Variants in A4GALT observed in about 807,000 individuals in gnomAD.
The protein encoded by A4GALT is alpha 1,4-galactosyltransferase (P1PK blood group).
For missense variants in A4GALT, 512 were observed against 486.0 expected, an observed-to-expected ratio of 1.05 and a Z score of -0.50; for synonymous variants, 257 against 220.7, an observed-to-expected ratio of 1.16 and a Z score of -1.46.
At chr22:42,701,575 T>A (rs1004134655) in intron 1 of A4GALT, among the ~76,000 whole-genome samples, 1 of 152,148 alleles carries the variant, frequency 6.6e-6, no homozygotes, top group Non-Finnish European at 1.5e-5. Context: ...AGAGGGGTCA[T>A]CTAGGTTTAC....
intron 2 of A4GALT, among the ~76,000 whole-genome samples, chr22:42,694,225 C>T (rs28915380): frequency 0.03 from 4,624 of 152,342 alleles, 95 homozygotes; most frequent in Middle Eastern, 0.048. Flanking sequence ...CCACTCTCTG[C>T]GACACACCTG....
chr22:42,704,766 T>C (rs2146998746), intron 1 of A4GALT, among the ~76,000 whole-genome samples: 1 of 149,188 alleles, frequency 6.7e-6, no homozygotes, highest in South Asian at 2.1e-4. Context: ...CAAAGCAACA[T>C]GGGTAAAGAC....
chr22:42,705,286 T>C (rs1376496997), intron 1 of A4GALT, among the ~76,000 whole-genome samples: 3 of 152,116 alleles, frequency 2.0e-5, no homozygotes, highest in Non-Finnish European at 2.9e-5. Flanking sequence ...CTCGCTTATA[T>C]ATAAAGAAAA....
rs563123240 is a variant in A4GALT, at chr22:42,692,831, G to A, written c.*59C>T. 2.1e-5 allele frequency: 34 copies of A among 1,589,918 alleles called. 1 individual carries two copies. In the East Asian group the frequency reaches 5.4e-4, roughly 25 times the overall value. Reference sequence around the variant, plus strand: ...CCCGGGCCCTCAATCTTGCCTCCCCGGGAAGGGCGGCCCAGTGCCCCATCA... The same window carrying A: ...CCCGGGCCCTCAATCTTGCCTCCCCAGGAAGGGCGGCCCAGTGCCCCATCA... On this transcript the variant is annotated 3_prime_UTR_variant, in exon 3 of 3. Transcript: ENST00000642412. This position sits in a 1 kb window ranked among gnomAD's most constrained non-coding sequence, Gnocchi z 4.6.
At chr22:42,714,650 C>T (rs1922006680) in intron 1 of A4GALT, among the ~76,000 whole-genome samples, 2 of 152,052 alleles carry the variant, frequency 1.3e-5, no homozygotes, top group South Asian at 4.2e-4. Flanking sequence ...GTGGCTGGCA[C>T]CTGTAATCCT....
In A4GALT at chr22:42,719,907, G is replaced by T. The variant is rs143188011; in HGVS notation, c.-188+890C>A. 2.7e-4 allele frequency among the ~76,000 whole-genome samples: 41 copies of T among 152,326 alleles called. No individual in the cohort carries two copies. In the East Asian group the frequency reaches 5.6e-3, roughly 21 times the overall value. ...AAGCCGCAGAGAGGGTGTCGTGAGG[G>T]AAAGGTGGGTGCAGGGGAAATGGCG... On this transcript the variant is annotated intron_variant, in intron 1 of 2. Transcript: ENST00000642412.
At chr22:42,704,061 C>A (rs1380463225) in intron 1 of A4GALT, among the ~76,000 whole-genome samples, 1 of 152,176 alleles carries the variant, frequency 6.6e-6, no homozygotes, top group African/African-American at 2.4e-5. Flanking sequence ...CTTCCAAACC[C>A]TGCTTGGAGG....
chr22:42,694,824 T>C (rs528748048), intron 2 of A4GALT: 6 of 152,280 alleles, frequency 3.9e-5, no homozygotes, highest in Non-Finnish European at 5.9e-5. Context: ...GTAACATTCA[T>C]TCATTCATAG....
chr22:42,700,072 A>T (rs373019928), intron 1 of A4GALT, among the ~76,000 whole-genome samples: 2 of 152,182 alleles, frequency 1.3e-5, no homozygotes, highest in African/African-American at 4.8e-5. Context: ...GTCACTGGGG[A>T]TGGGCTGCTC....
At chr22:42,710,275 A>T (rs1921562047) in intron 1 of A4GALT, among the ~76,000 whole-genome samples, 1 of 152,222 alleles carries the variant, frequency 6.6e-6, no homozygotes, top group Non-Finnish European at 1.5e-5. Flanking sequence ...GTAAAAACTA[A>T]AGATGGTAGT....
chr22:42,720,974 AG>A (rs1292075229), upstream of A4GALT: 1 of 149,118 alleles, frequency 6.7e-6, no homozygotes, highest in East Asian at 2.0e-4. Flanking sequence ...CGGTCCCCAG[AG>A]CCCTTGCGGG....
Position 42,693,467 on chromosome 22 carries a change from A to G in A4GALT, c.485T>C (p.Val162Ala). 1.2e-6 allele frequency: 2 copies of G among 1,613,130 alleles called. No homozygotes were observed. The highest frequency in any genetic ancestry group is 8.5e-7 in the Non-Finnish European group (1 of 1,179,956). The part of the protein sequence containing the change: ...DTPLADWYAA[V>A]QGRWEPYLLP... The stretch of plus-strand genomic sequence containing the variant: ...CAGGTAGGGCTCCCAGCGCCCCTGC[A>G]CGGCCGCGTACCAGTCGGCCAGGGG... Residue 162 changes from valine to alanine, a missense_variant, in exon 3 of 3, where the codon GTG becomes GCG. Transcript: ENST00000642412.
At chr22:42,706,443 C>CG (rs1421922738) in intron 1 of A4GALT, among the ~76,000 whole-genome samples, 5 of 151,074 alleles carry the variant, frequency 3.3e-5, no homozygotes, top group Non-Finnish European at 7.4e-5. Flanking sequence ...AACCTGTAAC[C>CG]TATCTCTATT....
rs1930537149 is a variant in A4GALT at position 42,692,776 on chromosome 22, TA to T, written c.*113del. On this transcript the variant is annotated 3_prime_UTR_variant, in exon 3 of 3. Coordinates refer to ENST00000642412, the MANE Select transcript of A4GALT (RefSeq NM_017436.7). The surrounding 1 kb of genome is among the most constrained non-coding windows in gnomAD (Gnocchi z 4.6). ...TCCCACAGCTCCTCAACAGCCTGCC[TA>T]AGCCCGGTGGCAGCTCGGGCCTCCC... is the stretch of plus-strand genomic sequence containing the variant. The T allele has an allele frequency of 1.2e-5, 15 of 1,290,502 alleles. No homozygotes were observed. In the African/African-American group the frequency reaches 2.2e-4, roughly 19 times the overall value. 79.9% of individuals were successfully genotyped at this position (1,290,502 alleles called of 1,614,324 possible).
At chr22:42,700,676 G>A (rs1346986480) in intron 1 of A4GALT, among the ~76,000 whole-genome samples, 2 of 152,178 alleles carry the variant, frequency 1.3e-5, no homozygotes, top group Admixed American at 1.3e-4. Context: ...CCAGCCATGT[G>A]ACTGCAGTCA....
chr22:42,704,395 G>A (rs1602006215), intron 1 of A4GALT, among the ~76,000 whole-genome samples: 1 of 152,034 alleles, frequency 6.6e-6, no homozygotes, highest in Non-Finnish European at 1.5e-5. Flanking sequence ...GCTGAGGCAG[G>A]AGAATTGCTT....
Position 42,692,717 on chromosome 22 carries a change from C to T in A4GALT, c.*173G>A, listed in dbSNP as rs745791913. ...GCCCTGCCTCGAGACAGGACACTGT[C>T]CTCGGGGTGTCCACAGCCTCCCACT... On this transcript the variant is annotated 3_prime_UTR_variant, in exon 3 of 3. Transcript: ENST00000642412. The surrounding 1 kb of genome is among the most constrained non-coding windows in gnomAD (Gnocchi z 4.6). 2 of 785,358 alleles carry T rather than the reference C, an allele frequency of 2.5e-6. No homozygotes were observed. Among genetic ancestry groups the T allele is most frequent in the African/African-American group, 1.7e-5 (1 of 58,936 alleles). The allele number at this position is 785,358 out of a possible 1,614,324, so 48.6% of individuals were successfully genotyped here.
chr22:42,703,828 G>A (rs950993965), intron 1 of A4GALT, among the ~76,000 whole-genome samples: 12 of 152,304 alleles, frequency 7.9e-5, no homozygotes, highest in Middle Eastern at 3.4e-3. Context: ...AACTCTGAGG[G>A]ATCTGGGGCA....
At position 42,720,781 on chromosome 22, in the gene A4GALT, G is replaced by C. The variant is rs1922658334; in HGVS notation, c.-188+16C>G. ...GGAGCCCCCGTCCCCCGCAACATCG[G>C]CGCGGCCCCTCGTACCTCTAGCTCC... is the stretch of plus-strand genomic sequence containing the variant. On this transcript the variant is annotated intron_variant, in intron 1 of 2. Coordinates refer to ENST00000642412, the MANE Select transcript of A4GALT (RefSeq NM_017436.7). 6.6e-6 allele frequency: 1 copy of C among 152,406 alleles called. No homozygotes were observed. Among genetic ancestry groups the C allele is most frequent in the Non-Finnish European group, 1.5e-5 (1 of 67,956 alleles). The allele number at this position is 152,406 out of a possible 1,614,324, so 9.4% of individuals were successfully genotyped here.
Sources: allele counts gnomAD v4.1 joint callset (sites outside exome capture counted in the v4.1 genomes callset), GRCh38; gene constraint gnomAD v4.1.1; non-coding constraint Gnocchi (gnomAD v3.1); transcripts MANE v1.5; gene names NCBI Gene and HGNC (gene_info 2026-07-23, HGNC 2026-07-21).